Variants in KLHL41 observed in about 807,000 individuals in gnomAD.
The protein encoded by KLHL41 is kelch-like protein 41.
KLHL41 carries 31 observed loss-of-function variants against 49.2 expected under a neutral mutation model. The ratio of observed to expected loss-of-function variants is 0.63; its 90% CI spans 0.47 to 0.85. The LOEUF (loss-of-function observed/expected upper bound fraction) is 0.85, where lower values mean the gene tolerates loss of function less well. KLHL41 is among the 40% of genes least tolerant of loss of function. The pLI, the probability that KLHL41 is intolerant of heterozygous loss-of-function variation, is 0.00. For missense variants in KLHL41, 663 were observed against 726.7 expected (o/e 0.91, Z 1.01); for synonymous variants, 218 against 258.5 (o/e 0.84, Z 1.50).
chr2:169,525,317 T>A (rs1188937414), intron 5 of KLHL41, among the ~76,000 whole-genome samples: 1 of 152,262 alleles, frequency 6.6e-6, no homozygotes, highest in African/African-American at 2.4e-5. Context: ...GCTTAGCTAT[T>A]TATTCCTCTT....
chr2:169,514,811 G>A (rs1318630815), intron 2 of KLHL41, 43 bp from the exon 3 acceptor site: 1 of 1,594,210 alleles, frequency 6.3e-7, no homozygotes, highest in Non-Finnish European at 8.6e-7. Flanking sequence ...TCAGAACCTG[G>A]AATTTACTGA....
At position 169,510,203 on chromosome 2, in the gene KLHL41, G is replaced by A; in HGVS notation, c.425G>A (p.Gly142Glu). Residue 142 changes from glycine (G) to glutamate (E), a missense_variant, in exon 1 of 6, where the codon GGA becomes GAA. By Grantham distance (98) the Gly-to-Glu change is moderately conservative. Coordinates refer to ENST00000284669, the MANE Select transcript of KLHL41 (RefSeq NM_006063.3). This position sits in a 1 kb window ranked among gnomAD's most constrained non-coding sequence, Gnocchi z 4.2. Reference protein sequence around the residue: ...PGNCLAILRLGLLLDCPRLAI... With the variant: ...PGNCLAILRLELLLDCPRLAI... Reference sequence around the variant, plus strand: ...AACTGTCTAGCCATCCTAAGATTAGGACTTCTTCTTGACTGCCCGAGACTC... The same window carrying A: ...AACTGTCTAGCCATCCTAAGATTAGAACTTCTTCTTGACTGCCCGAGACTC... 1 of 1,613,964 alleles carries A rather than the reference G, an allele frequency of 6.2e-7. No homozygotes were observed. The highest frequency in any genetic ancestry group is 8.5e-7 in the Non-Finnish European group (1 of 1,180,012).
rs1036170814 is a variant in KLHL41, at chr2:169,520,211, G to C, written c.1563-650G>C. 7.7e-5 allele frequency among the ~76,000 whole-genome samples: 8 copies of C among 103,474 alleles called. 1 individual carries two copies. In the East Asian group the frequency reaches 2.3e-3, roughly 30 times the overall value. The allele number at this position is 103,474 out of a possible 152,430, so 67.9% of individuals were successfully genotyped here. A position where few individuals can be genotyped will look rare whatever the true frequency, so the allele number is the denominator to read the frequency against. ...GTGTGTGTGTGTGTGTGTGTGTGTA[G>C]ACAGTCCATTTTGTTGCCCAGGCTG... On this transcript the variant is annotated intron_variant, in intron 4 of 5. Coordinates refer to ENST00000284669, the MANE Select transcript of KLHL41 (RefSeq NM_006063.3).
intron 3 of KLHL41, among the ~76,000 whole-genome samples, chr2:169,515,688 T>C (rs1684106453): frequency 6.6e-6 from 1 of 152,214 alleles, no homozygotes; most frequent in African/African-American, 2.4e-5. Context: ...CATGGATTTG[T>C]ACTTTACATT....
intron 5 of KLHL41, among the ~76,000 whole-genome samples, chr2:169,522,181 G>C (rs1226848161): frequency 6.6e-6 from 1 of 151,966 alleles, no homozygotes; most frequent in Non-Finnish European, 1.5e-5. Context: ...GTGAAAAGTG[G>C]GTATTATTTG....
In KLHL41 at chr2:169,512,700, T is replaced by C. The variant is rs193015027; in HGVS notation, c.1110+1812T>C. Among the ~76,000 whole-genome samples, 27 of 152,208 alleles carry C rather than the reference T, an allele frequency of 1.8e-4. No homozygotes were observed. In the East Asian group the frequency reaches 4.6e-3, roughly 26 times the overall value. ...CCTTGCTGCTTTTAAAAGGCACTAA[T>C]AGAACGGTATGCCAGGATAAAAACA... is the stretch of plus-strand genomic sequence containing the variant. On this transcript the variant is annotated intron_variant, in intron 1 of 5. Coordinates refer to ENST00000284669, the MANE Select transcript of KLHL41 (RefSeq NM_006063.3).
chr2:169,515,191 G>A (rs1684097637), intron 3 of KLHL41, among the ~76,000 whole-genome samples: 1 of 151,966 alleles, frequency 6.6e-6, no homozygotes, highest in South Asian at 2.1e-4. Context: ...GCTCCACCAC[G>A]CCTGGCTAAT....
intron 5 of KLHL41, among the ~76,000 whole-genome samples, chr2:169,525,238 AAG>A (rs1284034602): frequency 1.3e-5 from 2 of 151,932 alleles, no homozygotes; most frequent in African/African-American, 4.8e-5. Flanking sequence ...TCTCTTAAGC[AAG>A]AGTCTGCTTA....
Position 169,509,885 on chromosome 2 carries a change from C to G in KLHL41, c.107C>G (p.Thr36Ser). 2 of 1,614,110 alleles carry G rather than the reference C, an allele frequency of 1.2e-6. No individual in the cohort carries two copies. The highest frequency in any genetic ancestry group is 2.7e-5 in the African/African-American group (2 of 75,016). The change falls in exon 1 of 6, where the codon ACC (threonine) becomes AGC (serine). Residue 36 changes from threonine to serine, a missense_variant. Transcript: ENST00000284669. ...GATGAGAAAAAATTCATCGATTGCA[C>G]CCTAAAAGCAGGTGACAAAAGTCTT... Reference protein sequence around the residue: ...LLDEKKFIDCTLKAGDKSLPC... With the variant: ...LLDEKKFIDCSLKAGDKSLPC...
In KLHL41 at chr2:169,525,632, G is replaced by C. The variant is rs762482219; in HGVS notation, c.1757G>C (p.Arg586Pro). 1 of 1,613,548 alleles carries C rather than the reference G, an allele frequency of 6.2e-7. No homozygotes were observed. Among genetic ancestry groups the C allele is most frequent in the South Asian group, 1.1e-5 (1 of 91,068 alleles). ...KEWAGMLKEI[R>P]YASGASCLAT... ...TGGGCTGGGATGTTGAAGGAAATAC[G>C]TTATGCTTCAGGAGCTAGTTGCCTA... The change falls in exon 6 of 6, where the codon CGT becomes CCT. Residue 586 changes from arginine (R) to proline (P), a missense_variant. Arg to Pro is a moderately radical substitution (Grantham distance 103). This residue lies in a region of KLHL41 where 528 missense variants were observed against 581.0 expected (regional missense o/e 0.91). Coordinates refer to ENST00000284669, the MANE Select transcript of KLHL41 (RefSeq NM_006063.3).
chr2:169,516,972 A>G (rs1449674492), intron 3 of KLHL41, among the ~76,000 whole-genome samples: 2 of 152,226 alleles, frequency 1.3e-5, no homozygotes, highest in Non-Finnish European at 2.9e-5. Context: ...ATATCGCGCC[A>G]CTGCACTCCA....
intron 5 of KLHL41, among the ~76,000 whole-genome samples, chr2:169,523,002 C>T (rs147086182): frequency 0.011 from 1,731 of 152,024 alleles, 47 homozygotes; most frequent in African/African-American, 0.04. Context: ...GGATTACAGG[C>T]GTCAGCCACC....
At chr2:169,522,705 A>ATTTTTTTTTTTTTTTTTTTTTTTT (rs60635668) in intron 5 of KLHL41, among the ~76,000 whole-genome samples, 1 of 50,092 alleles carries the variant, frequency 2.0e-5, no homozygotes, top group Non-Finnish European at 3.4e-5. Flanking sequence ...CTTCCCAGTG[A>ATTTTTTTTTTTTTTTTTTTTTTTT]TTTTTTTTTT....
In KLHL41 at chr2:169,510,334, G is replaced by A; in HGVS notation, c.556G>A (p.Asp186Asn). The change falls in exon 1 of 6, where the codon GAC becomes AAC. Residue 186 changes from aspartate to asparagine, a missense_variant. By Grantham distance (23) the Asp-to-Asn change is conservative. Around this residue, in one of 3 missense-constraint regions of KLHL41, gnomAD observed 528 missense variants for 581.0 expected, o/e 0.91. Coordinates refer to ENST00000284669, the MANE Select transcript of KLHL41 (RefSeq NM_006063.3). The surrounding 1 kb of genome is among the most constrained non-coding windows in gnomAD (Gnocchi z 4.2). ...PQELISVISN[D>N]SLNVEKEEAV... ...GGAACTGATCTCAGTCATTTCAAAT[G>A]ACAGCCTAAATGTAGAAAAAGAAGA... is the stretch of plus-strand genomic sequence containing the variant. 3.7e-6 allele frequency: 6 copies of A among 1,614,130 alleles called. No homozygotes were observed. The highest frequency in any genetic ancestry group is 5.1e-6 in the Non-Finnish European group (6 of 1,180,020).
Position 169,510,047 on chromosome 2 carries a change from A to G in KLHL41, c.269A>G (p.Tyr90Cys). 6.2e-7 allele frequency: 1 copy of G among 1,614,194 alleles called. No individual in the cohort carries two copies. Among genetic ancestry groups the G allele is most frequent in the Non-Finnish European group, 8.5e-7 (1 of 1,180,032 alleles). The change falls in exon 1 of 6, where the codon TAC (tyrosine) becomes TGC (cysteine). Residue 90 changes from tyrosine to cysteine, a missense_variant. Tyr to Cys is a radical substitution (Grantham distance 194). This residue lies in a region of KLHL41 where 129 missense variants were observed against 122.1 expected (regional missense o/e 1.06). Transcript: ENST00000284669. This position sits in a 1 kb window ranked among gnomAD's most constrained non-coding sequence, Gnocchi z 4.2. ...DPAILDLIIK[Y>C]LYSASIDLND... ...GCTATACTTGATTTAATCATCAAAT[A>G]CCTGTACTCTGCCAGTATTGATCTC...
At chr2:169,521,075 G>A in intron 5 of KLHL41, 68 bp downstream of exon 5, 1 of 1,477,418 alleles carries the variant, frequency 6.8e-7, no homozygotes, top group Non-Finnish European at 9.3e-7. Context: ...CTATTTTGTA[G>A]TAAACAATAA....
At position 169,509,979 on chromosome 2, in the gene KLHL41, T is replaced by TACC; in HGVS notation, c.201_202insACC (p.Asp67_Glu68insThr). The TACC allele has an allele frequency of 6.2e-7, 1 of 1,613,916 alleles. No homozygotes were observed. The highest frequency in any genetic ancestry group is 1.3e-5 in the African/African-American group (1 of 75,030). Reference sequence around the variant, plus strand: ...GTGAGTACTTTTTATCTGAAATTGATGAGGCGAAAAAAAAGGAGGTAGTGC... The same window carrying TACC: ...GTGAGTACTTTTTATCTGAAATTGATACCGAGGCGAAAAAAAAGGAGGTAGTGC... On this transcript the variant is annotated inframe_insertion, in exon 1 of 6. Coordinates refer to ENST00000284669, the MANE Select transcript of KLHL41 (RefSeq NM_006063.3).
chr2:169,510,556 G>T lies in KLHL41; in HGVS notation c.778G>T (p.Ala260Ser), dbSNP rs766071573. 6.2e-7 allele frequency: 1 copy of T among 1,614,030 alleles called. No individual in the cohort carries two copies. Among genetic ancestry groups the T allele is most frequent in the African/African-American group, 1.3e-5 (1 of 74,996 alleles). The stretch of plus-strand genomic sequence containing the variant: ...AATCAAAGTTCTAAAAGATGCTTTC[G>T]CAGGCAAACTCCCAGAACCTAGCAA... ...KKIKVLKDAFAGKLPEPSKNA... is the reference protein window; with the variant it reads ...KKIKVLKDAFSGKLPEPSKNA... The change falls in exon 1 of 6, where the codon GCA becomes TCA. Residue 260 changes from alanine (A) to serine (S), a missense_variant. This residue lies in a region of KLHL41 where 528 missense variants were observed against 581.0 expected (regional missense o/e 0.91). Coordinates refer to ENST00000284669, the MANE Select transcript of KLHL41 (RefSeq NM_006063.3). This position sits in a 1 kb window ranked among gnomAD's most constrained non-coding sequence, Gnocchi z 4.2.
At chr2:169,520,165 TGTGTGTG>T (rs1211457865) in intron 4 of KLHL41, among the ~76,000 whole-genome samples, 25 of 79,350 alleles carry the variant, frequency 3.2e-4, no homozygotes, top group Admixed American at 2.8e-3. Context: ...TGTGTGTGTG[TGTGTGTG>T]TGTGTGTGTG....
Sources: allele counts gnomAD v4.1 joint callset (sites outside exome capture counted in the v4.1 genomes callset), GRCh38; gene constraint gnomAD v4.1.1; regional missense constraint gnomAD v4.1.1; non-coding constraint Gnocchi (gnomAD v3.1); transcripts MANE v1.5; gene names NCBI Gene and HGNC (gene_info 2026-07-23, HGNC 2026-07-21).